CAND1: variants seen among roughly 807,000 people sequenced by gnomAD.
CAND1 encodes the protein cullin associated and neddylation dissociated 1, also known as cullin-associated NEDD8-dissociated protein 1.
In CAND1, 7 loss-of-function variants were observed where a neutral mutation model predicts 108.5. The ratio of observed to expected loss-of-function variants is 0.06; its 90% CI spans 0.04 to 0.12. CAND1 has a LOEUF of 0.12. Among genes scored for constraint, CAND1 ranks in the 10% least tolerant of loss-of-function variants. The pLI, the probability that CAND1 is intolerant of heterozygous loss-of-function variation, is 1.00. For missense variants in CAND1, 941 were observed against 1,448.7 expected (o/e 0.65, Z 5.69); for synonymous variants, 534 against 512.0 (o/e 1.04, Z -0.58).
chr12:67,315,715 TTTC>T lies in CAND1; in HGVS notation c.*2889_*2891del. 1 of 152,350 alleles carries T rather than the reference TTTC, an allele frequency of 6.6e-6. No individual in the cohort carries two copies. Among genetic ancestry groups the T allele is most frequent in the African/African-American group, 2.4e-5 (1 of 41,588 alleles). 9.4% of individuals were successfully genotyped at this position (152,350 alleles called of 1,614,324 possible). A position where few individuals can be genotyped will look rare whatever the true frequency, so the allele number is the denominator to read the frequency against. On this transcript the variant is annotated 3_prime_UTR_variant, in exon 15 of 15. Coordinates refer to ENST00000545606, the MANE Select transcript of CAND1 (RefSeq NM_018448.5). ...AAATTAGTCTTTTTTTCTTCATACT[TTTC>T]TTCGGTAAATAGTGAAGAAATAATG...
rs2136029814 is a variant in CAND1, at chr12:67,318,958, C to G, written c.*6128C>G. The G allele has an allele frequency of 6.6e-6, 1 of 152,316 alleles. No individual in the cohort carries two copies. Among genetic ancestry groups the G allele is most frequent in the Non-Finnish European group, 1.5e-5 (1 of 68,044 alleles). 9.4% of individuals were successfully genotyped at this position (152,316 alleles called of 1,614,324 possible). ...GAATAGTTTTCAAATGAGTGTGCAT[C>G]ACAGTCACCTGTAAGACTTATTAAA... On this transcript the variant is annotated 3_prime_UTR_variant, in exon 15 of 15. Coordinates refer to ENST00000545606, the MANE Select transcript of CAND1 (RefSeq NM_018448.5).
At chr12:67,269,881 C>G (rs2044501133) in intron 1 of CAND1, 96 bp downstream of exon 1, 3 of 1,031,554 alleles carry the variant, frequency 2.9e-6, no homozygotes, top group South Asian at 2.9e-5. Context: ...CGGCCGTAGC[C>G]GGTAGCTTCT....
At chr12:67,271,895 A>G (rs2044524031) in intron 1 of CAND1, among the ~76,000 whole-genome samples, 1 of 152,260 alleles carries the variant, frequency 6.6e-6, no homozygotes, top group Admixed American at 6.5e-5. Context: ...CTTTGGAACT[A>G]AAGCACTTTA....
intron 1 of CAND1, among the ~76,000 whole-genome samples, chr12:67,275,302 A>G (rs1250261812): frequency 6.6e-6 from 1 of 152,148 alleles, no homozygotes; most frequent in Non-Finnish European, 1.5e-5. Context: ...CAAGGCAGGC[A>G]GATCATCTGA....
Position 67,310,492 on chromosome 12 carries a change from G to A in CAND1, c.3360+176G>A, listed in dbSNP as rs529445042. The A allele has an allele frequency of 1.7e-3, 782 of 458,568 alleles. 10 individuals are homozygous for A. The South Asian group carries it at 0.029, about 17-fold the overall frequency. The allele number at this position is 458,568 out of a possible 1,614,324, so 28.4% of individuals were successfully genotyped here. ...AATAGGCAGTGTAACACCAGTTGAC[G>A]TGTAAGAAAGATCCAGAGCCCTTTT... On this transcript the variant is annotated intron_variant, in intron 13 of 14. Transcript: ENST00000545606.
At chr12:67,277,940 A>G (rs745729260) in intron 1 of CAND1, among the ~76,000 whole-genome samples, 2 of 152,194 alleles carry the variant, frequency 1.3e-5, no homozygotes, top group African/African-American at 4.8e-5. Flanking sequence ...TATGGTCCAC[A>G]GTATAGCTGG....
At position 67,313,577 on chromosome 12, in the gene CAND1, A is replaced by C. The variant is rs1439892337; in HGVS notation, c.*747A>C. 2.6e-5 allele frequency: 4 copies of C among 152,582 alleles called. No homozygotes were observed. Among genetic ancestry groups the C allele is most frequent in the Admixed American group, 6.5e-5 (1 of 15,270 alleles). The allele number at this position is 152,582 out of a possible 1,614,324, so 9.5% of individuals were successfully genotyped here. On this transcript the variant is annotated 3_prime_UTR_variant, in exon 15 of 15. Transcript: ENST00000545606. ...GGAGAGAAAGAAAGGAGAATTTTTG[A>C]GACTTGGGTTTTCTTAATGCCAGTG...
chr12:67,281,941 C>T lies in CAND1; in HGVS notation c.100C>T (p.Leu34=). The change falls in exon 2 of 15, where the codon CTG becomes TTG. Residue 34 remains leucine, a synonymous_variant. Coordinates refer to ENST00000545606, the MANE Select transcript of CAND1 (RefSeq NM_018448.5). The stretch of plus-strand genomic sequence containing the variant: ...GGCTACAAATGATTTGATGACGGAA[C>T]TGCAGAAAGATTCCATCAAGTTGGA... ...FMATNDLMTE[L]QKDSIKLDDD... is the part of the protein sequence containing the mutation. The T allele has an allele frequency of 6.2e-7, 1 of 1,609,732 alleles. No individual in the cohort carries two copies. Among genetic ancestry groups the T allele is most frequent in the East Asian group, 2.2e-5 (1 of 44,724 alleles).
chr12:67,295,793 T>C (rs933127285), intron 4 of CAND1, among the ~76,000 whole-genome samples: 4 of 152,184 alleles, frequency 2.6e-5, no homozygotes, highest in East Asian at 3.8e-4. Context: ...TGGGTGTGTG[T>C]GTATAAAGTG....
chr12:67,281,190 C>T (rs1236512658), intron 1 of CAND1, among the ~76,000 whole-genome samples: 1 of 151,336 alleles, frequency 6.6e-6, no homozygotes, highest in Non-Finnish European at 1.5e-5. Context: ...ATTAGCTGGG[C>T]GTGGTGACAG....
At chr12:67,284,030 T>A (rs1217580466) in intron 2 of CAND1, among the ~76,000 whole-genome samples, 1 of 152,162 alleles carries the variant, frequency 6.6e-6, no homozygotes, top group Non-Finnish European at 1.5e-5. Flanking sequence ...TATCAATTAT[T>A]AAGCAGCCAT....
At position 67,310,132 on chromosome 12, in the gene CAND1, G is replaced by A. The variant is rs1592626359; in HGVS notation, c.3196-20G>A. 1.9e-6 allele frequency: 3 copies of A among 1,610,464 alleles called. No homozygotes were observed. The highest frequency in any genetic ancestry group is 1.3e-5 in the African/African-American group (1 of 74,868). On this transcript the variant is annotated intron_variant, in intron 12 of 14. Transcript: ENST00000545606. The stretch of plus-strand genomic sequence containing the variant: ...TGACTTAAGTATTGTATATCCACAC[G>A]TTCTTTTTTGCTTTAACAGGTAGAA...
chr12:67,279,713 C>T (rs138988152), intron 1 of CAND1, among the ~76,000 whole-genome samples: 1 of 152,072 alleles, frequency 6.6e-6, no homozygotes, highest in African/African-American at 2.4e-5. Flanking sequence ...GTCCTGATTT[C>T]TTAGTCCAGA....
chr12:67,302,554 G>T lies in CAND1; in HGVS notation c.1232G>T (p.Trp411Leu). 1 of 1,614,136 alleles carries T rather than the reference G, an allele frequency of 6.2e-7. No homozygotes were observed. Among genetic ancestry groups the T allele is most frequent in the Non-Finnish European group, 8.5e-7 (1 of 1,179,966 alleles). The change falls in exon 8 of 15, where the codon TGG (tryptophan) becomes TTG (leucine). Residue 411 changes from tryptophan (W) to leucine (L), a missense_variant. Physicochemically the swap from Trp to Leu is moderately conservative, Grantham distance 61. Coordinates refer to ENST00000545606, the MANE Select transcript of CAND1 (RefSeq NM_018448.5). ...LLKQTRPVQS[W>L]LCDPDAMEQG... is the part of the protein sequence containing the mutation. ...AAGCAAACTCGTCCTGTACAAAGTT[G>T]GCTATGTGACCCTGATGCAATGGAG... is the stretch of plus-strand genomic sequence containing the variant.
intron 1 of CAND1, among the ~76,000 whole-genome samples, chr12:67,273,112 G>C (rs560452386): frequency 1.5e-4 from 23 of 152,074 alleles, no homozygotes; most frequent in Admixed American, 7.2e-4. Context: ...TACTAGCCTC[G>C]GTTTAGTGAA....
chr12:67,303,685 A>G (rs940092815), intron 8 of CAND1, among the ~76,000 whole-genome samples: 5 of 152,156 alleles, frequency 3.3e-5, no homozygotes, highest in Non-Finnish European at 7.4e-5. Flanking sequence ...CTCCGTTGAT[A>G]GCTTTGCATC....
Position 67,307,513 on chromosome 12 carries a change from A to G in CAND1, c.3025+21A>G, listed in dbSNP as rs779575071. The G allele has an allele frequency of 2.5e-5, 38 of 1,516,536 alleles. 1 individual carries two copies. Among genetic ancestry groups the G allele is most frequent in the Non-Finnish European group, 3.5e-5 (38 of 1,096,562 alleles). 93.9% of individuals were successfully genotyped at this position (1,516,536 alleles called of 1,614,324 possible). ...CATAGGTAAGTGGAAACAAAGATAAACATACTGATTTTTGGACTTTAGAAT... is the reference window on the plus strand; with the variant it reads ...CATAGGTAAGTGGAAACAAAGATAAGCATACTGATTTTTGGACTTTAGAAT... On this transcript the variant is annotated intron_variant, in intron 11 of 14. Transcript: ENST00000545606.
intron 2 of CAND1, among the ~76,000 whole-genome samples, chr12:67,291,086 G>A (rs1475267534): frequency 6.6e-6 from 1 of 152,188 alleles, no homozygotes; most frequent in Non-Finnish European, 1.5e-5. Context: ...GTTGGGAACT[G>A]CTGTCTTAAT....
Position 67,304,882 on chromosome 12 carries a change from C to CT in CAND1, c.1435+137dup, listed in dbSNP as rs772351815. 3.5e-5 allele frequency: 38 copies of CT among 1,089,692 alleles called. No individual in the cohort carries two copies. The Middle Eastern group carries it at 7.5e-4, about 21-fold the overall frequency. The allele number at this position is 1,089,692 out of a possible 1,614,324, so 67.5% of individuals were successfully genotyped here. ...ATGCACATAGAGCTAACTTTTTAAT[C>CT]TAACAATCTTGAATACCTGAAGTTA... On this transcript the variant is annotated intron_variant, in intron 9 of 14. Coordinates refer to ENST00000545606, the MANE Select transcript of CAND1 (RefSeq NM_018448.5).
Sources: allele counts gnomAD v4.1 joint callset (sites outside exome capture counted in the v4.1 genomes callset), GRCh38; gene constraint gnomAD v4.1.1; transcripts MANE v1.5; gene names NCBI Gene and HGNC (gene_info 2026-07-23, HGNC 2026-07-21).